The following ATRNL1 variants were observed in gnomAD, a reference collection of about 807,000 sequenced individuals.
The protein encoded by ATRNL1 is attractin-like protein 1.
A neutral mutation model predicts 182.7 loss-of-function variants in ATRNL1; 95 were observed. That is an observed-to-expected ratio of 0.52 (90% CI 0.44 to 0.62). ATRNL1 has a LOEUF of 0.62. Ranked by LOEUF, ATRNL1 falls within the 20% of genes least tolerant of loss-of-function variation. The pLI is 0.00. For missense variants in ATRNL1, 1,471 were observed against 1,679.5 expected, an observed-to-expected ratio of 0.88 and a Z score of 2.17; for synonymous variants, 576 against 568.3, an observed-to-expected ratio of 1.01 and a Z score of -0.19.
chr10:115,882,643 G>T (rs1329157515), intron 28 of ATRNL1, among the ~76,000 whole-genome samples: 1 of 152,130 alleles, frequency 6.6e-6, no homozygotes, highest in African/African-American at 2.4e-5. Context: ...CTCCTTTGTG[G>T]TTTTATAGAG....
intron 8 of ATRNL1, among the ~76,000 whole-genome samples, chr10:115,201,193 T>A (rs1475863621): frequency 2.6e-5 from 4 of 151,814 alleles, no homozygotes; most frequent in Non-Finnish European, 4.4e-5. Context: ...CTGTTCACTC[T>A]GATGGTAGTT....
intron 26 of ATRNL1, among the ~76,000 whole-genome samples, chr10:115,594,439 G>A (rs529012557): frequency 1.3e-5 from 2 of 152,072 alleles, no homozygotes; most frequent in African/African-American, 4.8e-5. Context: ...ACTATGGGTG[G>A]GTCTTAATTT....
chr10:115,753,419 T>C (rs1373480773), intron 27 of ATRNL1, among the ~76,000 whole-genome samples: 1 of 152,150 alleles, frequency 6.6e-6, no homozygotes, highest in Non-Finnish European at 1.5e-5. Flanking sequence ...AGTCAGAACA[T>C]GCGGTGTTTG....
At chr10:115,758,274 C>T (rs1359495383) in intron 27 of ATRNL1, among the ~76,000 whole-genome samples, 10 of 152,034 alleles carry the variant, frequency 6.6e-5, no homozygotes, top group Admixed American at 3.3e-4. Flanking sequence ...CCTTTTTGCA[C>T]TGGTTTCTCC....
At chr10:115,112,159 A>C (rs1554868284) in intron 1 of ATRNL1, among the ~76,000 whole-genome samples, 1 of 152,226 alleles carries the variant, frequency 6.6e-6, no homozygotes, top group Admixed American at 6.5e-5. Flanking sequence ...TGAAGGTGAC[A>C]CAAGTAAATG....
chr10:115,747,904 A>T (rs530036303), intron 27 of ATRNL1, among the ~76,000 whole-genome samples: 13 of 152,112 alleles, frequency 8.5e-5, no homozygotes, highest in African/African-American at 2.9e-4. Context: ...AGATGCAAAC[A>T]CACTCCATTG....
intron 27 of ATRNL1, among the ~76,000 whole-genome samples, chr10:115,847,184 A>T (rs1270063702): frequency 6.6e-6 from 1 of 152,068 alleles, no homozygotes; most frequent in Non-Finnish European, 1.5e-5. Flanking sequence ...ATAGAAACAG[A>T]GAATAGAACA....
In ATRNL1 at chr10:115,096,628, C is replaced by CT. The variant is rs537076914; in HGVS notation, c.293+2592dup. 1.6e-5 allele frequency: 20 copies of CT among 1,283,774 alleles called. No homozygotes were observed. The South Asian group carries it at 2.1e-4, about 14-fold the overall frequency. The allele number at this position is 1,283,774 out of a possible 1,614,324, so 79.5% of individuals were successfully genotyped here. A position where few individuals can be genotyped will look rare whatever the true frequency, so the allele number is the denominator to read the frequency against. Reference sequence around the variant, plus strand: ...ATTGGTTGGCTCCATGGTAACTTAGCTTTTTTTCTACTATAGGGATTTCGC... The same window carrying CT: ...ATTGGTTGGCTCCATGGTAACTTAGCTTTTTTTTCTACTATAGGGATTTCGC... On this transcript the variant is annotated intron_variant, in intron 1 of 28. Transcript: ENST00000355044.
chr10:115,334,240 A>T (rs782773151), intron 18 of ATRNL1, 42 bp from the exon 19 acceptor site: 2 of 1,310,386 alleles, frequency 1.5e-6, no homozygotes, highest in Non-Finnish European at 2.1e-6. Flanking sequence ...TATACTTGAT[A>T]TTATGTTAGA....
At chr10:115,764,057 T>C (rs537429115) in intron 27 of ATRNL1, among the ~76,000 whole-genome samples, 105 of 152,352 alleles carry the variant, frequency 6.9e-4, no homozygotes, top group African/African-American at 2.4e-3. Flanking sequence ...CTAGTATTTG[T>C]GTTCTCTGCT....
intron 27 of ATRNL1, among the ~76,000 whole-genome samples, chr10:115,757,730 C>G (rs781863480): frequency 1.5e-4 from 23 of 152,114 alleles, no homozygotes; most frequent in Non-Finnish European, 3.2e-4. Flanking sequence ...GGGAAGGTCT[C>G]TTGGATAATA....
intron 26 of ATRNL1, among the ~76,000 whole-genome samples, chr10:115,710,684 GAA>G (rs1476333032): frequency 3.9e-5 from 6 of 152,006 alleles, no homozygotes; most frequent in African/African-American, 1.4e-4. Flanking sequence ...ATAATATAAG[GAA>G]AAGAGAATAG....
intron 21 of ATRNL1, among the ~76,000 whole-genome samples, chr10:115,456,713 T>G (rs1204704256): frequency 6.6e-6 from 1 of 152,190 alleles, no homozygotes; most frequent in African/African-American, 2.4e-5. Context: ...GCCCTGTCTT[T>G]ACTTCATCCT....
At position 115,506,324 on chromosome 10, in the gene ATRNL1, TACA is replaced by T. The variant is rs139003416; in HGVS notation, c.3655-12928_3655-12926del. Among the ~76,000 whole-genome samples, 1,373 of 151,420 alleles carry T rather than the reference TACA, an allele frequency of 9.1e-3. 15 individuals are homozygous for T. Among genetic ancestry groups the T allele is most frequent in the African/African-American group, 0.03 (1,257 of 41,326 alleles). ...GGAACAATAAAAATAGGAACAAACATACAACAACAACAAAAACAGTTAAACAAA... is the reference window on the plus strand; with the variant it reads ...GGAACAATAAAAATAGGAACAAACATACAACAACAAAAACAGTTAAACAAA... On this transcript the variant is annotated intron_variant, in intron 24 of 28. Coordinates refer to ENST00000355044, the MANE Select transcript of ATRNL1 (RefSeq NM_207303.4).
intron 26 of ATRNL1, among the ~76,000 whole-genome samples, chr10:115,658,601 A>T (rs139102432): frequency 6.6e-6 from 1 of 152,090 alleles, no homozygotes; most frequent in African/African-American, 2.4e-5. Context: ...TCCAGGGGGT[A>T]TAGTATCCTC....
chr10:115,195,597 A>T (rs1554890852), intron 8 of ATRNL1, among the ~76,000 whole-genome samples: 1 of 152,054 alleles, frequency 6.6e-6, no homozygotes, highest in Non-Finnish European at 1.5e-5. Context: ...TACTCAAATA[A>T]GTATTTGAGT....
chr10:115,902,122 C>T (rs1952372963), intron 28 of ATRNL1, among the ~76,000 whole-genome samples: 1 of 152,182 alleles, frequency 6.6e-6, no homozygotes, highest in South Asian at 2.1e-4. Flanking sequence ...TCCTTCGCAT[C>T]AATGACTTTA....
At chr10:115,262,031 C>G (rs151307215) in intron 10 of ATRNL1, among the ~76,000 whole-genome samples, 33 of 152,140 alleles carry the variant, frequency 2.2e-4, no homozygotes, top group African/African-American at 7.2e-4. Context: ...TTATCTGAAA[C>G]TGGGAACTAG....
intron 27 of ATRNL1, among the ~76,000 whole-genome samples, chr10:115,798,305 C>A (rs1949707725): frequency 6.6e-6 from 1 of 152,136 alleles, no homozygotes; most frequent in African/African-American, 2.4e-5. Context: ...CTTCTCTTTT[C>A]CAAATTTAGT....
Sources: gnomAD v4.1 joint callset for allele counts (sites outside exome capture counted in the v4.1 genomes callset) on GRCh38, gnomAD v4.1.1 for gene constraint, MANE v1.5 for transcripts, NCBI Gene and HGNC (gene_info 2026-07-23, HGNC 2026-07-21) for gene names.